The following TTN variants were observed in gnomAD, a reference collection of about 807,000 sequenced individuals.
TTN encodes the protein titin, also known as connectin.
In TTN, 1,525 loss-of-function variants were observed where a neutral mutation model predicts 3,223.0. That is an observed-to-expected ratio of 0.47 (90% CI 0.45 to 0.49). The LOEUF (loss-of-function observed/expected upper bound fraction) is 0.49, where lower values mean the gene tolerates loss of function less well. Among genes scored for constraint, TTN ranks in the 20% least tolerant of loss-of-function variants. The pLI is 0.00. For synonymous variants in TTN, 14,094 were observed against 15,161.0 expected (o/e 0.93, Z 5.17); for missense variants, 40,786 against 43,424.0 (o/e 0.94, Z 5.40).
In TTN at chr2:178,768,651, T is replaced by A. The variant is rs367646385; in HGVS notation, c.9163+22A>T. On this transcript the variant is annotated intron_variant, in intron 38 of 362. Transcript: ENST00000589042. ...GCATGTATGACATTTTTTCTATGGA[T>A]CTAATATGTATGAAACCATACCTTC... 1.9e-6 allele frequency: 3 copies of A among 1,613,846 alleles called. No homozygotes were observed. The African/African-American group carries it at 4.0e-5, about 22-fold the overall frequency.
At position 178,591,039 on chromosome 2, in the gene TTN, G is replaced by A; in HGVS notation, c.60686C>T (p.Thr20229Ile). Residue 20229 changes from threonine (T) to isoleucine (I), a missense_variant, in exon 304 of 363, where the codon ACA becomes ATA. Thr to Ile is a moderately conservative substitution (Grantham distance 89). Coordinates refer to ENST00000589042, the MANE Select transcript of TTN (RefSeq NM_001267550.2). Reference protein sequence around the residue: ...WGVVSSGSSKTKLKIPHLQKG... With the variant: ...WGVVSSGSSKIKLKIPHLQKG... Reference sequence around the variant, plus strand: ...CTGCAGATGTGGGATTTTCAGCTTTGTCTTACTGCTTCCGGAAGAGACAAC... The same window carrying A: ...CTGCAGATGTGGGATTTTCAGCTTTATCTTACTGCTTCCGGAAGAGACAAC... The A allele has an allele frequency of 6.2e-7, 1 of 1,613,368 alleles. No homozygotes were observed. Among genetic ancestry groups the A allele is most frequent in the Non-Finnish European group, 8.5e-7 (1 of 1,179,542 alleles).
In TTN at chr2:178,731,970, C is replaced by T. The variant is rs770878919; in HGVS notation, c.16905G>A (p.Glu5635=). 1.9e-6 allele frequency: 3 copies of T among 1,602,164 alleles called. No individual in the cohort carries two copies. The highest frequency in any genetic ancestry group is 2.2e-5 in the South Asian group (2 of 89,812). ...TAAATTCCTTGGTAAAATAAGGTGA[C>T]TCTACAGTAAAAAAGGAATGATTTG... ...DHCSSIVIVK[E]SPYFTKEFKP... Residue 5635 remains glutamate, a splice_region_variant and synonymous_variant, in exon 58 of 363, where the codon GAG becomes GAA. Coordinates refer to ENST00000589042, the MANE Select transcript of TTN (RefSeq NM_001267550.2).
rs1300479369 is a variant in TTN at position 178,640,521 on chromosome 2, G to A, written c.40723+20C>T. 1 of 1,588,998 alleles carries A rather than the reference G, an allele frequency of 6.3e-7. No homozygotes were observed. The highest frequency in any genetic ancestry group is 8.6e-7 in the Non-Finnish European group (1 of 1,163,476). On this transcript the variant is annotated intron_variant, in intron 221 of 362. Coordinates refer to ENST00000589042, the MANE Select transcript of TTN (RefSeq NM_001267550.2). ...TATTTGCATTTTTAGAGACAACTAAGAATGACAGTAGATTTGTACCTTTTG... is the reference window on the plus strand; with the variant it reads ...TATTTGCATTTTTAGAGACAACTAAAAATGACAGTAGATTTGTACCTTTTG...
Position 178,789,403 on chromosome 2 carries a change from G to A in TTN, c.2033C>T (p.Thr678Ile), listed in dbSNP as rs1376628413. Residue 678 changes from threonine (T) to isoleucine (I), a missense_variant, in exon 13 of 363, where the codon ACT becomes ATT. Thr to Ile is a moderately conservative substitution (Grantham distance 89). Coordinates refer to ENST00000589042, the MANE Select transcript of TTN (RefSeq NM_001267550.2). ...EQETILRTRE[T>I]MATRQEQIQV... Reference sequence around the variant, plus strand: ...GATTTGTTCTTGTCTAGTAGCCATAGTTTCTCTAGTTCTCAGTATTGTTTC... The same window carrying A: ...GATTTGTTCTTGTCTAGTAGCCATAATTTCTCTAGTTCTCAGTATTGTTTC... The A allele has an allele frequency of 9.3e-6, 15 of 1,613,370 alleles. No homozygotes were observed. Among genetic ancestry groups the A allele is most frequent in the African/African-American group, 1.3e-5 (1 of 74,892 alleles).
At position 178,575,979 on chromosome 2, in the gene TTN, G is replaced by T. The variant is rs769672151; in HGVS notation, c.70153C>A (p.Leu23385Met). 6.2e-7 allele frequency: 1 copy of T among 1,611,552 alleles called. No homozygotes were observed. Among genetic ancestry groups the T allele is most frequent in the Non-Finnish European group, 8.5e-7 (1 of 1,178,056 alleles). Reference sequence around the variant, plus strand: ...TTTTCAATGTTGGCTCGGTTTTTCAGGTTGATGTTATCTTTGGTCCATGTC... The same window carrying T: ...TTTTCAATGTTGGCTCGGTTTTTCATGTTGATGTTATCTTTGGTCCATGTC... Reference protein sequence around the residue: ...EVTWTKDNINLKNRANIENTE... With the variant: ...EVTWTKDNINMKNRANIENTE... Residue 23385 changes from leucine (L) to methionine (M), a missense_variant, in exon 326 of 363, where the codon CTG becomes ATG. By Grantham distance (15) the Leu-to-Met change is conservative (BLOSUM62 2). Coordinates refer to ENST00000589042, the MANE Select transcript of TTN (RefSeq NM_001267550.2). This position sits in a 1 kb window ranked among gnomAD's most constrained non-coding sequence, Gnocchi z 4.0.
intron 8 of TTN, 62 bp downstream of exon 8, chr2:178,794,337 T>C (rs72647850): frequency 4.7e-4 from 748 of 1,608,290 alleles, no homozygotes; most frequent in Non-Finnish European, 5.6e-4. Flanking sequence ...TGGATGGTGG[T>C]TGAGTTAATG....
chr2:178,588,894 A>G lies in TTN; in HGVS notation c.62831T>C (p.Ile20944Thr). The change falls in exon 304 of 363, where the codon ATA becomes ACA. Residue 20944 changes from isoleucine (I) to threonine (T), a missense_variant. Physicochemically the swap from Ile to Thr is moderately conservative, Grantham distance 89 (BLOSUM62 -1). Coordinates refer to ENST00000589042, the MANE Select transcript of TTN (RefSeq NM_001267550.2). ...YIFRVRAENK[I>T]GTGPPTESKP... ...ACTTTCTGTTGGAGGCCCTGTGCCT[A>G]TTTTATTTTCTGCACGGACTCTGAA... 1 of 1,613,082 alleles carries G rather than the reference A, an allele frequency of 6.2e-7. No individual in the cohort carries two copies. Among genetic ancestry groups the G allele is most frequent in the Non-Finnish European group, 8.5e-7 (1 of 1,179,544 alleles).
chr2:178,615,754 A>T lies in TTN; in HGVS notation c.48347T>A (p.Val16116Asp), dbSNP rs747142700. 1.9e-6 allele frequency: 3 copies of T among 1,611,920 alleles called. No homozygotes were observed. The African/African-American group carries it at 4.0e-5, about 22-fold the overall frequency. Residue 16116 changes from valine (V) to aspartate (D), a missense_variant, in exon 258 of 363, where the codon GTT becomes GAT. By Grantham distance (152) the Val-to-Asp change is radical (BLOSUM62 -3). Transcript: ENST00000589042. Reference sequence around the variant, plus strand: ...CTCTTTTCCTTGAACAAGATCAGGAACTGTGAATTCTAGATCAGTCACAAA... The same window carrying T: ...CTCTTTTCCTTGAACAAGATCAGGATCTGTGAATTCTAGATCAGTCACAAA... ...MDFVTDLEFTVPDLVQGKEYL... is the reference protein window; with the variant it reads ...MDFVTDLEFTDPDLVQGKEYL...
At position 178,723,927 on chromosome 2, in the gene TTN, A is replaced by G. The variant is rs374408615; in HGVS notation, c.21332T>C (p.Met7111Thr). ...LQLNSLDSSDMGNYTCVAANV... is the reference protein window; with the variant it reads ...LQLNSLDSSDTGNYTCVAANV... ...AGCAGCCACGCATGTGTAATTGCCC[A>G]TATCTGAGGAATCCAGAGAATTCAA... Residue 7111 changes from methionine to threonine, a missense_variant, in exon 73 of 363, where the codon ATG becomes ACG. By Grantham distance (81) the Met-to-Thr change is moderately conservative. Transcript: ENST00000589042. 3.4e-5 allele frequency: 55 copies of G among 1,613,452 alleles called. No homozygotes were observed. Among genetic ancestry groups the G allele is most frequent in the Non-Finnish European group, 4.2e-5 (50 of 1,179,596 alleles).
At position 178,768,063 on chromosome 2, in the gene TTN, T is replaced by G. The variant is rs2090827474; in HGVS notation, c.9256A>C (p.Ile3086Leu). Residue 3086 changes from isoleucine (I) to leucine (L), a missense_variant, in exon 39 of 363, where the codon ATC (isoleucine) becomes CTC (leucine). By Grantham distance (5) the Ile-to-Leu change is conservative. Transcript: ENST00000589042. ...TCATCTTTCATCCACTGTACAGTGA[T>G]GTCAGGTTCAGAAACTTCACATTCA... is the stretch of plus-strand genomic sequence containing the variant. ...MFECEVSEPD[I>L]TVQWMKDDQE... is the part of the protein sequence containing the mutation. 6.2e-7 allele frequency: 1 copy of G among 1,614,042 alleles called. No homozygotes were observed. The highest frequency in any genetic ancestry group is 1.3e-5 in the African/African-American group (1 of 74,934).
Position 178,740,787 on chromosome 2 carries a change from T to C in TTN, c.12446A>G (p.Asn4149Ser), listed in dbSNP as rs768083269. Residue 4149 changes from asparagine (N) to serine (S), a missense_variant, in exon 48 of 363, where the codon AAC becomes AGC. Coordinates refer to ENST00000589042, the MANE Select transcript of TTN (RefSeq NM_001267550.2). ...HFQPLKEPSPNLQLQIVQSQK... is the reference protein window; with the variant it reads ...HFQPLKEPSPSLQLQIVQSQK... ...GGACTGTACAATCTGCAGCTGTAGGTTGGGAGATGGTTCCTTGAGAGGCTG... is the reference window on the plus strand; with the variant it reads ...GGACTGTACAATCTGCAGCTGTAGGCTGGGAGATGGTTCCTTGAGAGGCTG... 10 of 1,613,510 alleles carry C rather than the reference T, an allele frequency of 6.2e-6. No homozygotes were observed. In the South Asian group the frequency reaches 7.7e-5, roughly 12 times the overall value.
chr2:178,526,787 T>C lies in TTN; in HGVS notation c.*225A>G. The C allele has an allele frequency of 2.6e-6, 1 of 390,314 alleles. No homozygotes were observed. The highest frequency in any genetic ancestry group is 4.1e-5 in the Admixed American group (1 of 24,358). The allele number at this position is 390,314 out of a possible 1,614,324, so 24.2% of individuals were successfully genotyped here. ...TAAATGGTACAAAACTTTATAACCGTTAATCCGGCTATATACAGTATGTAC... is the reference window on the plus strand; with the variant it reads ...TAAATGGTACAAAACTTTATAACCGCTAATCCGGCTATATACAGTATGTAC... On this transcript the variant is annotated 3_prime_UTR_variant, in exon 363 of 363. Transcript: ENST00000589042.
Position 178,590,935 on chromosome 2 carries a change from C to G in TTN, c.60790G>C (p.Val20264Leu). 1 of 1,613,264 alleles carries G rather than the reference C, an allele frequency of 6.2e-7. No individual in the cohort carries two copies. Among genetic ancestry groups the G allele is most frequent in the Non-Finnish European group, 8.5e-7 (1 of 1,179,448 alleles). ...VGPPLDSTPT[V>L]AKHKFSPPSP... is the part of the protein sequence containing the mutation. ...GGAGGACTAAATTTATGCTTAGCAACAGTAGGTGTGGAGTCAAGGGGAGGA... is the reference window on the plus strand; with the variant it reads ...GGAGGACTAAATTTATGCTTAGCAAGAGTAGGTGTGGAGTCAAGGGGAGGA... The change falls in exon 304 of 363, where the codon GTT (valine) becomes CTT (leucine). Residue 20264 changes from valine to leucine, a missense_variant. Val to Leu is a conservative substitution (Grantham distance 32). Coordinates refer to ENST00000589042, the MANE Select transcript of TTN (RefSeq NM_001267550.2).
intron 311 of TTN, 26 bp from the exon 312 acceptor site, chr2:178,583,932 C>T (rs1279722051): frequency 2.0e-6 from 3 of 1,494,038 alleles, no homozygotes; most frequent in Non-Finnish European, 2.7e-6. Flanking sequence ...GTACACTCAC[C>T]ATTTATCTTA....
Position 178,651,273 on chromosome 2 carries a change from G to A in TTN, c.39595C>T (p.Pro13199Ser). The A allele has an allele frequency of 3.7e-6, 6 of 1,613,160 alleles. No individual in the cohort carries two copies. Among genetic ancestry groups the A allele is most frequent in the Non-Finnish European group, 5.1e-6 (6 of 1,179,426 alleles). ...GCTGGTGGGACTTCTGGCTTTTTGG[G>A]AACAGCTACTTTCTTTTCTGGAACA... ...EVVPEKKVAVPKKPEVPPAKV... is the reference protein window; with the variant it reads ...EVVPEKKVAVSKKPEVPPAKV... Residue 13199 changes from proline to serine, a missense_variant, in exon 208 of 363, where the codon CCC (proline) becomes TCC (serine). Pro to Ser is a moderately conservative substitution (Grantham distance 74). Transcript: ENST00000589042.
chr2:178,600,818 AAGG>A (rs1183832336), intron 288 of TTN, 33 bp downstream of exon 288: 6 of 1,611,136 alleles, frequency 3.7e-6, no homozygotes, highest in Admixed American at 1.7e-5. Flanking sequence ...AGGCAGCTGT[AAGG>A]AGGACATTCT....
chr2:178,795,347 G>C (rs2093711103), intron 6 of TTN, 95 bp from the exon 7 acceptor site: 4 of 1,201,418 alleles, frequency 3.3e-6, no homozygotes, highest in Non-Finnish European at 2.4e-6. Context: ...CTTTAAGGCA[G>C]AGTTTTAAAA....
At position 178,665,772 on chromosome 2, in the gene TTN, T is replaced by A. The variant is rs552577056; in HGVS notation, c.35895A>T (p.Glu11965Asp). 1.5e-5 allele frequency: 19 copies of A among 1,295,402 alleles called. 1 individual carries two copies. The African/African-American group carries it at 2.7e-4, about 18-fold the overall frequency. 80.2% of individuals were successfully genotyped at this position (1,295,402 alleles called of 1,614,324 possible). A position where few individuals can be genotyped will look rare whatever the true frequency, so the allele number is the denominator to read the frequency against. The change falls in exon 164 of 363, where the codon GAA (glutamate) becomes GAT (aspartate). Residue 11965 changes from glutamate to aspartate, a missense_variant. Coordinates refer to ENST00000589042, the MANE Select transcript of TTN (RefSeq NM_001267550.2). ...PSPTVPESPR[E>D]IVPVKETPMA... ...TGGGTGTTTCCTTTACAGGGACAAT[T>A]TCTCGAGGTGATTCAGGCACTTTAA...
chr2:178,536,087 G>C lies in TTN; in HGVS notation c.100660C>G (p.Gln33554Glu). 6.2e-7 allele frequency: 1 copy of C among 1,610,834 alleles called. No individual in the cohort carries two copies. ...RIQEFKGGYH[Q>E]LIIASVTDDD... ...TCTGTGACACTTGCAATGATGAGCT[G>C]GTGGTAGCCACCCTTAAATTCTTGA... is the stretch of plus-strand genomic sequence containing the variant. The change falls in exon 357 of 363, where the codon CAG becomes GAG. Residue 33554 changes from glutamine to glutamate, a missense_variant. Transcript: ENST00000589042.
Sources: allele counts gnomAD v4.1 joint callset, GRCh38; gene constraint gnomAD v4.1.1; non-coding constraint Gnocchi (gnomAD v3.1); transcripts MANE v1.5; gene names NCBI Gene and HGNC (gene_info 2026-07-23, HGNC 2026-07-21).